Variants in MID1 observed in about 807,000 individuals in gnomAD.
The protein encoded by MID1 is E3 ubiquitin-protein ligase Midline-1.
In MID1, 7 loss-of-function variants were observed where a neutral mutation model predicts 40.4. The ratio of observed to expected loss-of-function variants is 0.17; its 90% CI spans 0.10 to 0.33. The LOEUF (loss-of-function observed/expected upper bound fraction) is 0.33, where lower values mean the gene tolerates loss of function less well. MID1 is among the 10% of genes least tolerant of loss of function. The pLI is 1.00. For synonymous variants in MID1, 229 were observed against 221.2 expected, an observed-to-expected ratio of 1.04 and a Z score of -0.31; for missense variants, 367 against 558.5, an observed-to-expected ratio of 0.66 and a Z score of 3.46.
chrX:10,631,892 C>G lies in MID1; in HGVS notation c.-186-11473G>C, dbSNP rs1165621052. On this transcript the variant is annotated intron_variant, in intron 1 of 10. Coordinates refer to the MID1 transcript ENST00000380785. ...GACTGTAACATATTTACCTATGTCCCAGATACCGAACAGGAAGCAATTGTT... is the reference window on the plus strand; with the variant it reads ...GACTGTAACATATTTACCTATGTCCGAGATACCGAACAGGAAGCAATTGTT... 3.6e-5 allele frequency among the ~76,000 whole-genome samples: 4 copies of G among 111,655 alleles called. No individual in the cohort carries two copies. In the East Asian group the frequency reaches 1.1e-3, roughly 32 times the overall value.
intron 1 of MID1, among the ~76,000 whole-genome samples, chrX:10,598,164 A>G (rs1486094446): frequency 8.9e-6 from 1 of 112,055 alleles, no homozygotes; most frequent in Non-Finnish European, 1.9e-5. Flanking sequence ...TGGCACCAAC[A>G]CCAGGAGATG....
chrX:10,636,968 C>T (rs1489321144), intron 1 of MID1, among the ~76,000 whole-genome samples: 3 of 105,496 alleles, frequency 2.8e-5, no homozygotes, highest in Non-Finnish European at 5.8e-5. Context: ...TTTCTTGTCA[C>T]AGCTTTCCCA....
intron 1 of MID1, among the ~76,000 whole-genome samples, chrX:10,783,482 C>T (rs550834136): frequency 3.6e-5 from 4 of 111,262 alleles, no homozygotes; most frequent in Middle Eastern, 4.6e-3. Flanking sequence ...ATGAGTTTGC[C>T]TCCCCCAGAT....
chrX:10,708,272 G>A (rs1431596975), intron 1 of MID1, among the ~76,000 whole-genome samples: 1 of 111,503 alleles, frequency 9.0e-6, no homozygotes, highest in Admixed American at 9.6e-5. Context: ...TTTATTTTGG[G>A]GAAGTGAAAT....
At chrX:10,454,822 G>A (rs1318848318) in intron 9 of MID1, 48 bp downstream of exon 9, 7 of 1,045,069 alleles carry the variant, frequency 6.7e-6, no homozygotes, top group Middle Eastern at 5.0e-4. Flanking sequence ...AGTACAGAAT[G>A]AGATGTGCCT....
intron 8 of MID1, among the ~76,000 whole-genome samples, chrX:10,456,470 TCAGG>T (rs1928673754): frequency 8.9e-6 from 1 of 112,554 alleles, no homozygotes; most frequent in African/African-American, 3.2e-5. Flanking sequence ...ATTTACAAAA[TCAGG>T]CAGCCAGATT....
At chrX:10,616,403 T>C (rs972320044) in intron 1 of MID1, among the ~76,000 whole-genome samples, 10 of 112,557 alleles carry the variant, frequency 8.9e-5, no homozygotes, top group African/African-American at 3.2e-4. Flanking sequence ...TTGATTGAAC[T>C]GGGATCCTCA....
intron 5 of MID1, among the ~76,000 whole-genome samples, chrX:10,477,938 C>A (rs1307885242): frequency 2.7e-5 from 3 of 112,528 alleles, no homozygotes; most frequent in Non-Finnish European, 3.7e-5. Flanking sequence ...TGCTCTAATT[C>A]TTTGAACCAA....
At chrX:10,457,769 A>G (rs1259604278) in intron 8 of MID1, among the ~76,000 whole-genome samples, 1 of 112,494 alleles carries the variant, frequency 8.9e-6, no homozygotes, top group East Asian at 2.8e-4. Flanking sequence ...TGGCTCACCT[A>G]TCCTCCCAAC....
chrX:10,733,157 C>T (rs1242258948), intron 1 of MID1, among the ~76,000 whole-genome samples: 7 of 111,597 alleles, frequency 6.3e-5, no homozygotes, highest in Admixed American at 4.8e-4. Flanking sequence ...CCACCGCGCC[C>T]GGCCGGTAAG....
chrX:10,709,229 A>T (rs931481200), intron 1 of MID1, among the ~76,000 whole-genome samples: 37 of 112,615 alleles, frequency 3.3e-4, no homozygotes, highest in Middle Eastern at 4.6e-3. Flanking sequence ...TTTTTAACCT[A>T]AAAGTTGACA....
intron 1 of MID1, among the ~76,000 whole-genome samples, chrX:10,761,802 T>TG (rs2043680260): frequency 8.9e-6 from 1 of 112,120 alleles, no homozygotes; most frequent in African/African-American, 3.2e-5. Flanking sequence ...TAGTTTGTTA[T>TG]GGGGAATTAG....
At chrX:10,521,352 C>T (rs1014292186) in intron 3 of MID1, among the ~76,000 whole-genome samples, 1 of 110,637 alleles carries the variant, frequency 9.0e-6, no homozygotes. Flanking sequence ...TAAAATGTTA[C>T]GTGATTCAGA....
chrX:10,632,910 C>G (rs1473076836), intron 1 of MID1, among the ~76,000 whole-genome samples: 1 of 111,409 alleles, frequency 9.0e-6, no homozygotes, highest in East Asian at 2.8e-4. Flanking sequence ...TGGAATGCAG[C>G]CATGCCCATT....
intron 3 of MID1, among the ~76,000 whole-genome samples, chrX:10,515,034 T>C (rs987110209): frequency 8.9e-6 from 1 of 111,807 alleles, no homozygotes; most frequent in African/African-American, 3.3e-5. Context: ...TCATCCAAGA[T>C]CAGACACACG....
chrX:10,633,347 A>T (rs762987319), intron 1 of MID1, among the ~76,000 whole-genome samples: 4 of 111,852 alleles, frequency 3.6e-5, no homozygotes, highest in Non-Finnish European at 7.5e-5. Context: ...TATCCCTTGA[A>T]GCCCAAACCC....
chrX:10,523,013 A>G (rs901093017), intron 3 of MID1, 79 bp downstream of exon 3: 38 of 706,816 alleles, frequency 5.4e-5, no homozygotes, highest in Non-Finnish European at 8.1e-5. Context: ...TTTTAAAATT[A>G]TAAAGCATGA....
intron 3 of MID1, among the ~76,000 whole-genome samples, chrX:10,501,222 T>C (rs901666969): frequency 2.7e-5 from 3 of 111,233 alleles, no homozygotes; most frequent in Non-Finnish European, 5.7e-5. Context: ...GGCAGGAGAA[T>C]CGCTTGAACC....
At chrX:10,580,700 CT>C (rs1034148381) in intron 1 of MID1, among the ~76,000 whole-genome samples, 1 of 109,914 alleles carries the variant, frequency 9.1e-6, no homozygotes, top group Admixed American at 9.7e-5. Context: ...AAATTTCAGT[CT>C]TTTTTTTTCT....
Sources: allele counts gnomAD v4.1 joint callset (sites outside exome capture counted in the v4.1 genomes callset), GRCh38; gene constraint gnomAD v4.1.1; transcripts MANE v1.5; gene names NCBI Gene and HGNC (gene_info 2026-07-23, HGNC 2026-07-21).